Variants in LDLRAD2 observed in about 807,000 individuals in gnomAD.
The protein encoded by LDLRAD2 is low density lipoprotein receptor class A domain containing 2.
Under a neutral mutation model 24.9 loss-of-function variants are expected in LDLRAD2, and 25 were observed. That is an observed-to-expected ratio of 1.00 (90% CI 0.73 to 1.40). The LOEUF (loss-of-function observed/expected upper bound fraction) is 1.40, where lower values mean the gene tolerates loss of function less well. Among genes scored for constraint, LDLRAD2 ranks in the 40% most tolerant of loss-of-function variants. LDLRAD2 has a pLI of 0.00. For missense variants in LDLRAD2, 391 were observed against 366.2 expected (o/e 1.07, Z -0.55); for synonymous variants, 182 against 166.7 (o/e 1.09, Z -0.71).
In LDLRAD2 at chr1:21,824,060, G is replaced by A. The variant is rs1263568991; in HGVS notation, c.*1845G>A. 6.9e-7 allele frequency: 1 copy of A among 1,450,376 alleles called. No individual in the cohort carries two copies. The allele number at this position is 1,450,376 out of a possible 1,614,324, so 89.8% of individuals were successfully genotyped here. A position where few individuals can be genotyped will look rare whatever the true frequency, so the allele number is the denominator to read the frequency against. ...ACCTGCCTCTCTGCCCATGGTAGGG[G>A]GCGTCCTGCCCCACTCCAGAACGCT... On this transcript the variant is annotated 3_prime_UTR_variant, in exon 5 of 5. Coordinates refer to ENST00000344642, the MANE Select transcript of LDLRAD2 (RefSeq NM_001013693.3). This position sits in a 1 kb window ranked among gnomAD's most constrained non-coding sequence, Gnocchi z 5.9.
Position 21,823,340 on chromosome 1 carries a change from G to C in LDLRAD2, c.*1125G>C, listed in dbSNP as rs1158758759. On this transcript the variant is annotated 3_prime_UTR_variant, in exon 5 of 5. Coordinates refer to ENST00000344642, the MANE Select transcript of LDLRAD2 (RefSeq NM_001013693.3). ...CCTACGAGGGGCAGGGGCGTGTGTTGGCCCCGGCCTGGGCGCGGTGCTGCA... is the reference window on the plus strand; with the variant it reads ...CCTACGAGGGGCAGGGGCGTGTGTTCGCCCCGGCCTGGGCGCGGTGCTGCA... The C allele has an allele frequency of 1.3e-6, 2 of 1,542,322 alleles. No individual in the cohort carries two copies. Among genetic ancestry groups the C allele is most frequent in the Non-Finnish European group, 1.7e-6 (2 of 1,147,016 alleles).
At chr1:21,821,089 C>T (rs752791738) in intron 3 of LDLRAD2, among the ~76,000 whole-genome samples, 4 of 152,150 alleles carry the variant, frequency 2.6e-5, no homozygotes, top group Admixed American at 6.5e-5. Context: ...CCCAGCTACT[C>T]GGGAGGCTGA....
At position 21,824,768 on chromosome 1, in the gene LDLRAD2, G is replaced by T; in HGVS notation, c.*2553G>T. 1 of 1,612,672 alleles carries T rather than the reference G, an allele frequency of 6.2e-7. No homozygotes were observed. The highest frequency in any genetic ancestry group is 8.5e-7 in the Non-Finnish European group (1 of 1,179,488). On this transcript the variant is annotated 3_prime_UTR_variant, in exon 5 of 5. Transcript: ENST00000344642. The surrounding 1 kb of genome is among the most constrained non-coding windows in gnomAD (Gnocchi z 5.9). The stretch of plus-strand genomic sequence containing the variant: ...TCATCGTGGAAATAGGCTCCGTACT[G>T]CCCAGGGGCATCTGTGGGAGAGAGG...
At chr1:21,820,522 C>CAAAAAAAAAAA (rs11370390) in intron 3 of LDLRAD2, among the ~76,000 whole-genome samples, 1 of 70,094 alleles carries the variant, frequency 1.4e-5, no homozygotes, top group Admixed American at 1.5e-4. Context: ...GACTCCGTCT[C>CAAAAAAAAAAA]AAAAAAAAAA....
At position 21,815,998 on chromosome 1, in the gene LDLRAD2, C is replaced by T. The variant is rs892343750; in HGVS notation, c.567C>T (p.Leu189=). 5.6e-6 allele frequency: 9 copies of T among 1,613,798 alleles called. No homozygotes were observed. The highest frequency in any genetic ancestry group is 2.7e-5 in the African/African-American group (2 of 74,914). Residue 189 remains leucine (L), a synonymous_variant, in exon 3 of 5, where the codon CTC becomes CTT. Coordinates refer to ENST00000344642, the MANE Select transcript of LDLRAD2 (RefSeq NM_001013693.3). Reference sequence around the variant, plus strand: ...ATGGCAGGTGCATCCCCTCAAGCCTCGTGTGTGACCCCTGGGGCATGGACA... The same window carrying T: ...ATGGCAGGTGCATCCCCTCAAGCCTTGTGTGTGACCCCTGGGGCATGGACA... ...CQNGRCIPSS[L]VCDPWGMDNC...
At chr1:21,814,994 G>T (rs1179828789) in intron 2 of LDLRAD2, among the ~76,000 whole-genome samples, 171 bp downstream of exon 2, 1 of 152,164 alleles carries the variant, frequency 6.6e-6, no homozygotes, top group Non-Finnish European at 1.5e-5. Flanking sequence ...GGTGGCTAGT[G>T]GCAGAGTCAC....
intron 3 of LDLRAD2, among the ~76,000 whole-genome samples, chr1:21,817,502 A>G (rs1237045137): frequency 6.6e-6 from 1 of 151,948 alleles, no homozygotes; most frequent in Admixed American, 6.6e-5. Context: ...CACCATGCCC[A>G]GCTAATTTTT....
At chr1:21,818,695 G>A (rs114215930) in intron 3 of LDLRAD2, among the ~76,000 whole-genome samples, 2,328 of 152,266 alleles carry the variant, frequency 0.015, 29 homozygotes, top group Non-Finnish European at 0.024. Context: ...CTTGAGTGGG[G>A]AGTTATGCTT....
chr1:21,817,786 T>C (rs144034019), intron 3 of LDLRAD2, among the ~76,000 whole-genome samples: 8 of 152,348 alleles, frequency 5.3e-5, no homozygotes, highest in African/African-American at 1.9e-4. Context: ...GTCCACAGTT[T>C]GTTCAGTTTT....
chr1:21,816,656 C>T (rs913589201), intron 3 of LDLRAD2, among the ~76,000 whole-genome samples: 1 of 152,084 alleles, frequency 6.6e-6, no homozygotes, highest in Non-Finnish European at 1.5e-5. Flanking sequence ...TCCCACCTGC[C>T]CACCACACCC....
At position 21,824,451 on chromosome 1, in the gene LDLRAD2, T is replaced by C; in HGVS notation, c.*2236T>C. The C allele has an allele frequency of 1.3e-6, 2 of 1,599,440 alleles. No homozygotes were observed. Among genetic ancestry groups the C allele is most frequent in the Non-Finnish European group, 1.7e-6 (2 of 1,169,162 alleles). On this transcript the variant is annotated 3_prime_UTR_variant, in exon 5 of 5. Coordinates refer to ENST00000344642, the MANE Select transcript of LDLRAD2 (RefSeq NM_001013693.3). This position sits in a 1 kb window ranked among gnomAD's most constrained non-coding sequence, Gnocchi z 5.9. ...GCTGCCGAGGCCAGGGGGCTCTGCT[T>C]TCCCCTCCCCCCACCACTCCGGCCA...
At chr1:21,815,823 A>C (rs2097943287) in intron 2 of LDLRAD2, 120 bp from the exon 3 acceptor site, 1 of 1,189,984 alleles carries the variant, frequency 8.4e-7, no homozygotes, top group African/African-American at 1.5e-5. Context: ...TCTCATCTGC[A>C]TGCATGAGGG....
Position 21,824,441 on chromosome 1 carries a change from G to A in LDLRAD2, c.*2226G>A, listed in dbSNP as rs2152683651. 2 of 1,603,120 alleles carry A rather than the reference G, an allele frequency of 1.2e-6. No individual in the cohort carries two copies. Among genetic ancestry groups the A allele is most frequent in the South Asian group, 1.1e-5 (1 of 90,912 alleles). ...GAGAGCAGAGGCTGCCGAGGCCAGGGGGCTCTGCTTTCCCCTCCCCCCACC... is the reference window on the plus strand; with the variant it reads ...GAGAGCAGAGGCTGCCGAGGCCAGGAGGCTCTGCTTTCCCCTCCCCCCACC... On this transcript the variant is annotated 3_prime_UTR_variant, in exon 5 of 5. Coordinates refer to ENST00000344642, the MANE Select transcript of LDLRAD2 (RefSeq NM_001013693.3). This position sits in a 1 kb window ranked among gnomAD's most constrained non-coding sequence, Gnocchi z 5.9.
chr1:21,822,509 T>C lies in LDLRAD2; in HGVS notation c.*294T>C, dbSNP rs1452444170. On this transcript the variant is annotated 3_prime_UTR_variant, in exon 5 of 5. Transcript: ENST00000344642. ...CGGCATCCGTCCGTCCGTTGTCTGT[T>C]GGAGGAGTCCCTGGGCCTTCACTTC... 2.5e-5 allele frequency: 8 copies of C among 320,208 alleles called. No homozygotes were observed. The highest frequency in any genetic ancestry group is 5.7e-5 in the South Asian group (2 of 35,162). The allele number at this position is 320,208 out of a possible 1,614,324, so 19.8% of individuals were successfully genotyped here.
chr1:21,818,277 GCTGGGATTACAGGCGTGAGCCTCCGCA>G (rs2097946299), intron 3 of LDLRAD2, among the ~76,000 whole-genome samples: 1 of 152,136 alleles, frequency 6.6e-6, no homozygotes, highest in Non-Finnish European at 1.5e-5. Flanking sequence ...CTCCCAAAGT[GCTGGGATTACAGGCGTGAGCCTCCGCA>G]CCCGGCCTCA....
chr1:21,820,079 T>A (rs1194505138), intron 3 of LDLRAD2, among the ~76,000 whole-genome samples: 1 of 152,170 alleles, frequency 6.6e-6, no homozygotes, highest in Admixed American at 6.5e-5. Flanking sequence ...CATGATCTAA[T>A]CACTTCCTAC....
chr1:21,819,719 G>C (rs1243762965), intron 3 of LDLRAD2, among the ~76,000 whole-genome samples: 1 of 152,084 alleles, frequency 6.6e-6, no homozygotes, highest in Non-Finnish European at 1.5e-5. Flanking sequence ...TTCTGGAGAT[G>C]GATGGCGGTG....
Position 21,818,000 on chromosome 1 carries a change from C to T in LDLRAD2, c.643+1926C>T, listed in dbSNP as rs148648207. Among the ~76,000 whole-genome samples the T allele has an allele frequency of 6.5e-4, 99 of 152,260 alleles. 1 individual carries two copies. In the East Asian group the frequency reaches 0.011, roughly 17 times the overall value. On this transcript the variant is annotated intron_variant, in intron 3 of 4. Coordinates refer to ENST00000344642, the MANE Select transcript of LDLRAD2 (RefSeq NM_001013693.3). ...CAAGCGATTCTCCTGCCTCAGCCTC[C>T]GGTGTAGCTGGGATTACAGGTGCAC...
chr1:21,818,279 T>C (rs1557656011), intron 3 of LDLRAD2, among the ~76,000 whole-genome samples: 1 of 152,208 alleles, frequency 6.6e-6, no homozygotes, highest in Non-Finnish European at 1.5e-5. Flanking sequence ...CCCAAAGTGC[T>C]GGGATTACAG....
Sources: allele counts gnomAD v4.1 joint callset (sites outside exome capture counted in the v4.1 genomes callset), GRCh38; gene constraint gnomAD v4.1.1; non-coding constraint Gnocchi (gnomAD v3.1); transcripts MANE v1.5; gene names NCBI Gene and HGNC (gene_info 2026-07-23, HGNC 2026-07-21).